Variants in KCTD16 observed in about 807,000 individuals in gnomAD.
The protein encoded by KCTD16 is potassium channel tetramerization domain containing 16, also known as BTB/POZ domain-containing protein KCTD16.
In KCTD16, 13 loss-of-function variants were observed where a neutral mutation model predicts 33.2. The observed-to-expected ratio is 0.39, with a 90% CI of 0.25 to 0.62. The LOEUF is 0.62. KCTD16 is among the 20% of genes least tolerant of loss of function. The pLI, the probability that KCTD16 is intolerant of heterozygous loss-of-function variation, is 0.50. For synonymous variants in KCTD16, 197 were observed against 195.3 expected (o/e 1.01, Z -0.07); for missense variants, 441 against 525.1 (o/e 0.84, Z 1.57).
At chr5:144,383,928 A>G (rs1209150875) in intron 3 of KCTD16, among the ~76,000 whole-genome samples, 1 of 152,220 alleles carries the variant, frequency 6.6e-6, no homozygotes, top group East Asian at 1.9e-4. Context: ...TCTATTCATT[A>G]AAAATGGTGA....
chr5:144,204,294 T>A (rs1753110593), intron 2 of KCTD16, among the ~76,000 whole-genome samples: 1 of 152,218 alleles, frequency 6.6e-6, no homozygotes, highest in Admixed American at 6.5e-5. Context: ...GCCTCACATA[T>A]ATTATTCATT....
At chr5:144,335,592 T>C (rs1752466611) in intron 3 of KCTD16, among the ~76,000 whole-genome samples, 1 of 152,172 alleles carries the variant, frequency 6.6e-6, no homozygotes, top group African/African-American at 2.4e-5. Flanking sequence ...TAAAGGGCTC[T>C]AATAGAACTT....
chr5:144,203,670 C>T (rs192389409), intron 2 of KCTD16, among the ~76,000 whole-genome samples: 8 of 152,332 alleles, frequency 5.3e-5, no homozygotes, highest in East Asian at 1.9e-4. Context: ...CCAAAGCTAT[C>T]GTCATGACGT....
At chr5:144,375,085 G>A (rs754538730) in intron 3 of KCTD16, among the ~76,000 whole-genome samples, 1 of 152,180 alleles carries the variant, frequency 6.6e-6, no homozygotes, top group Non-Finnish European at 1.5e-5. Flanking sequence ...CCACATACAG[G>A]TGAACGAGCC....
chr5:144,445,574 T>C (rs1370911443), intron 3 of KCTD16, among the ~76,000 whole-genome samples: 1 of 152,090 alleles, frequency 6.6e-6, no homozygotes, highest in Admixed American at 6.6e-5. Context: ...TTTATTTATA[T>C]GTGATTATGT....
At chr5:144,469,538 A>G (rs1167504549) in intron 3 of KCTD16, among the ~76,000 whole-genome samples, 1 of 152,218 alleles carries the variant, frequency 6.6e-6, no homozygotes, top group African/African-American at 2.4e-5. Context: ...TGTGTAATTG[A>G]ATGGAATACT....
chr5:144,225,732 G>T (rs939840673), intron 3 of KCTD16, among the ~76,000 whole-genome samples: 6 of 152,126 alleles, frequency 3.9e-5, no homozygotes, highest in African/African-American at 1.4e-4. Context: ...GTACATTTAA[G>T]CATGAAACCT....
chr5:144,269,261 G>A (rs188858228), intron 3 of KCTD16, among the ~76,000 whole-genome samples: 4 of 152,038 alleles, frequency 2.6e-5, no homozygotes, highest in Admixed American at 2.6e-4. Flanking sequence ...AACTAAGTAA[G>A]ATGAATGCAA....
chr5:144,178,591 A>T (rs1752552655), intron 2 of KCTD16, among the ~76,000 whole-genome samples: 1 of 152,146 alleles, frequency 6.6e-6, no homozygotes, highest in Admixed American at 6.5e-5. Context: ...AATTTTATAC[A>T]ATTTAATGAA....
chr5:144,285,273 A>G (rs1192032690), intron 3 of KCTD16, among the ~76,000 whole-genome samples: 2 of 152,266 alleles, frequency 1.3e-5, no homozygotes, highest in African/African-American at 4.8e-5. Flanking sequence ...CCATAAGAAG[A>G]AAAAGAAAAA....
intron 3 of KCTD16, among the ~76,000 whole-genome samples, chr5:144,399,959 A>T (rs1193803144): frequency 6.6e-6 from 1 of 152,186 alleles, no homozygotes; most frequent in Admixed American, 6.5e-5. Flanking sequence ...TCTTTAAGTT[A>T]TGCTCCTATT....
At chr5:144,383,527 A>T (rs1752259950) in intron 3 of KCTD16, among the ~76,000 whole-genome samples, 2 of 135,052 alleles carry the variant, frequency 1.5e-5, no homozygotes, top group Admixed American at 1.6e-4. Flanking sequence ...GAAGGCAAAA[A>T]GGCCCTAGAG....
At chr5:144,240,251 G>T (rs1182076287) in intron 3 of KCTD16, among the ~76,000 whole-genome samples, 2 of 152,076 alleles carry the variant, frequency 1.3e-5, no homozygotes, top group Admixed American at 6.6e-5. Flanking sequence ...TGAGTATCTG[G>T]AATCTCCTGA....
chr5:144,473,420 G>C (rs532821070), intron 3 of KCTD16, among the ~76,000 whole-genome samples: 1 of 152,192 alleles, frequency 6.6e-6, no homozygotes, highest in African/African-American at 2.4e-5. Flanking sequence ...GTGCTCATGG[G>C]CTTAAGCATT....
chr5:144,374,640 AG>A (rs951984283), intron 3 of KCTD16, among the ~76,000 whole-genome samples: 1 of 152,198 alleles, frequency 6.6e-6, no homozygotes, highest in Non-Finnish European at 1.5e-5. Context: ...CCTAGTAGAA[AG>A]GAAAGCAGAG....
intron 3 of KCTD16, among the ~76,000 whole-genome samples, chr5:144,390,851 T>C (rs1348747166): frequency 1.3e-5 from 2 of 152,210 alleles, no homozygotes; most frequent in African/African-American, 4.8e-5. Flanking sequence ...GCAAAGGACA[T>C]AAACTCGTTC....
chr5:144,284,214 C>G (rs1260806403), intron 3 of KCTD16, among the ~76,000 whole-genome samples: 1 of 152,140 alleles, frequency 6.6e-6, no homozygotes, highest in East Asian at 1.9e-4. Context: ...AGGCCTAGGT[C>G]TAGAAACAGG....
In KCTD16 at chr5:144,478,687, T is replaced by A. The variant is rs1754643783; in HGVS notation, c.*4573T>A. 6.6e-6 allele frequency: 1 copy of A among 152,058 alleles called. No homozygotes were observed. The highest frequency in any genetic ancestry group is 1.5e-5 in the Non-Finnish European group (1 of 67,944). The allele number at this position is 152,058 out of a possible 1,614,324, so 9.4% of individuals were successfully genotyped here. A position where few individuals can be genotyped will look rare whatever the true frequency, so the allele number is the denominator to read the frequency against. ...CCTTACTTTGAAAAATTCTGCTGTT[T>A]AGGGAATATGCAGAGGCCAAGAGTT... On this transcript the variant is annotated 3_prime_UTR_variant, in exon 4 of 4. Transcript: ENST00000512467.
At chr5:144,385,088 T>A (rs1483930801) in intron 3 of KCTD16, among the ~76,000 whole-genome samples, 2 of 152,316 alleles carry the variant, frequency 1.3e-5, no homozygotes, top group South Asian at 4.1e-4. Context: ...ATCAGCAAAG[T>A]CATAAATCAT....
Sources: allele counts gnomAD v4.1 joint callset (sites outside exome capture counted in the v4.1 genomes callset), GRCh38; gene constraint gnomAD v4.1.1; transcripts MANE v1.5; gene names NCBI Gene and HGNC (gene_info 2026-07-23, HGNC 2026-07-21).